TRRAP: variants seen among roughly 807,000 people sequenced by gnomAD.
TRRAP encodes transformation/transcription domain-associated protein.
TRRAP carries 41 observed loss-of-function variants against 438.8 expected under a neutral mutation model. The observed-to-expected ratio is 0.09, with a 90% confidence interval of 0.07 to 0.12. The LOEUF is 0.12. Ranked by LOEUF, TRRAP falls within the 10% of genes least tolerant of loss-of-function variation. The pLI is 1.00. For synonymous variants in TRRAP, 1,994 were observed against 1,962.9 expected, an observed-to-expected ratio of 1.02 and a Z score of -0.42; for missense variants, 3,122 against 5,055.1, an observed-to-expected ratio of 0.62 and a Z score of 11.60.
At chr7:98,936,246 A>G (rs1790550757) in intron 28 of TRRAP, among the ~76,000 whole-genome samples, 1 of 152,192 alleles carries the variant, frequency 6.6e-6, no homozygotes, top group African/African-American at 2.4e-5. Context: ...TATGCTCTTA[A>G]TAACATATTT....
In TRRAP at chr7:98,927,235, G is replaced by A. The variant is rs782188112; in HGVS notation, c.3044G>A (p.Arg1015Gln). ...TACAAAGCCCAGGACACTCCAGCCC[G>A]GAAGACTTTTGAGCAGGCCCTGACA... The part of the protein sequence containing the change: ...HRYKAQDTPA[R>Q]KTFEQALTGA... The change falls in exon 23 of 73, where the codon CGG becomes CAG. Residue 1015 changes from arginine (R) to glutamine (Q), a missense_variant. Around this residue, in one of 24 missense-constraint regions of TRRAP, gnomAD observed 133 missense variants for 188.6 expected, o/e 0.71. Coordinates refer to ENST00000456197, the MANE Select transcript of TRRAP (RefSeq NM_001375524.1). 4.3e-6 allele frequency: 7 copies of A among 1,614,218 alleles called. No homozygotes were observed. The highest frequency in any genetic ancestry group is 3.3e-5 in the Admixed American group (2 of 60,018).
rs2116485496 is a variant in TRRAP at position 98,925,213 on chromosome 7, G to C, written c.2925G>C (p.Met975Ile). Reference protein sequence around the residue: ...EVIKCFLVAMMSLEDNKHALY... With the variant: ...EVIKCFLVAMISLEDNKHALY... ...TCAAATGCTTCCTGGTGGCCATGAT[G>C]AGCCTGGAGGACAACAAGCACGCAC... Residue 975 changes from methionine to isoleucine, a missense_variant, in exon 22 of 73, where the codon ATG becomes ATC. This residue lies in a region of TRRAP where 133 missense variants were observed against 188.6 expected (regional missense o/e 0.71). Coordinates refer to ENST00000456197, the MANE Select transcript of TRRAP (RefSeq NM_001375524.1). 2 of 1,614,162 alleles carry C rather than the reference G, an allele frequency of 1.2e-6. No homozygotes were observed. The highest frequency in any genetic ancestry group is 8.5e-7 in the Non-Finnish European group (1 of 1,180,036).
In TRRAP at chr7:99,005,339, T is replaced by C; in HGVS notation, c.10744T>C (p.Phe3582Leu). ...AAAGGAGACCACCAAGAGGCACTTG[T>C]TTTTCACAGGTAGGGTTGAGAGCCA... Reference protein sequence around the residue: ...KRKETTKRHLFFTVPRVVAVS... With the variant: ...KRKETTKRHLLFTVPRVVAVS... Residue 3582 changes from phenylalanine (F) to leucine (L), a missense_variant, in exon 69 of 73, where the codon TTT becomes CTT. Physicochemically the swap from Phe to Leu is conservative, Grantham distance 22. Coordinates refer to ENST00000456197, the MANE Select transcript of TRRAP (RefSeq NM_001375524.1). The surrounding 1 kb of genome is among the most constrained non-coding windows in gnomAD (Gnocchi z 5.1). The C allele has an allele frequency of 6.2e-7, 1 of 1,613,680 alleles. No individual in the cohort carries two copies. Among genetic ancestry groups the C allele is most frequent in the East Asian group, 2.2e-5 (1 of 44,850 alleles).
chr7:98,918,062 A>G (rs1465302248), intron 20 of TRRAP, among the ~76,000 whole-genome samples: 2 of 151,524 alleles, frequency 1.3e-5, no homozygotes, highest in African/African-American at 4.9e-5. Context: ...TTGAGGCTGC[A>G]GCGAGGCATG....
chr7:98,989,664 C>T (rs570990926), intron 63 of TRRAP, among the ~76,000 whole-genome samples: 2 of 152,242 alleles, frequency 1.3e-5, no homozygotes, highest in Non-Finnish European at 1.5e-5. Flanking sequence ...GACAGCTACA[C>T]GCACTGCTTC....
At chr7:98,984,016 T>C in intron 60 of TRRAP, 77 bp from the exon 61 acceptor site, 1 of 1,478,764 alleles carries the variant, frequency 6.8e-7, no homozygotes. Flanking sequence ...TGTGTTTCAT[T>C]TTTTATTTAA....
intron 3 of TRRAP, among the ~76,000 whole-genome samples, chr7:98,889,514 G>A (rs1220507734): frequency 6.7e-6 from 1 of 150,034 alleles, no homozygotes; most frequent in Non-Finnish European, 1.5e-5. Flanking sequence ...GTATCTTCAT[G>A]CTGTAGTTTT....
chr7:98,898,638 C>T (rs1467020827), intron 8 of TRRAP, among the ~76,000 whole-genome samples: 1 of 152,086 alleles, frequency 6.6e-6, no homozygotes, highest in African/African-American at 2.4e-5. Flanking sequence ...ATCCATTGCC[C>T]ATCTGTATTT....
intron 15 of TRRAP, 23 bp downstream of exon 15, chr7:98,910,442 T>C (rs528567374): frequency 6.2e-7 from 1 of 1,612,174 alleles, no homozygotes; most frequent in Admixed American, 1.7e-5. Context: ...TTCAGTTATG[T>C]AGACAAACAA....
In TRRAP at chr7:98,910,334, C is replaced by T. The variant is rs1554408522; in HGVS notation, c.1629C>T (p.Val543=). ...AGGAAGACAAGCAGACATTCCAAGT[C>T]ACAGACTGTCGAAGTTTGGTCAAAA... The part of the protein sequence containing the change: ...KDKEDKQTFQ[V]TDCRSLVKTL... The change falls in exon 15 of 73, where the codon GTC becomes GTT. Residue 543 remains valine, a synonymous_variant. Coordinates refer to ENST00000456197, the MANE Select transcript of TRRAP (RefSeq NM_001375524.1). The T allele has an allele frequency of 6.2e-7, 1 of 1,610,556 alleles. No homozygotes were observed. Among genetic ancestry groups the T allele is most frequent in the Admixed American group, 1.7e-5 (1 of 59,892 alleles).
chr7:99,007,197 C>T (rs1053399411), intron 69 of TRRAP, among the ~76,000 whole-genome samples: 3 of 152,234 alleles, frequency 2.0e-5, no homozygotes, highest in African/African-American at 4.8e-5. Flanking sequence ...TGATTTTCCT[C>T]CTCCAAAGAT....
chr7:98,967,889 T>G (rs1792227660), intron 51 of TRRAP, among the ~76,000 whole-genome samples, 191 bp downstream of exon 51: 1 of 152,256 alleles, frequency 6.6e-6, no homozygotes, highest in South Asian at 2.1e-4. Flanking sequence ...TGGGCTGATT[T>G]AAAATCCTGT....
chr7:99,001,732 G>A (rs1438148362), intron 67 of TRRAP, among the ~76,000 whole-genome samples: 1 of 152,174 alleles, frequency 6.6e-6, no homozygotes, highest in African/African-American at 2.4e-5. Context: ...CTCTAGCAGA[G>A]CTGCATGTGT....
Position 98,959,426 on chromosome 7 carries a change from G to C in TRRAP, c.6425G>C (p.Arg2142Pro), listed in dbSNP as rs149626121. 1 of 1,613,798 alleles carries C rather than the reference G, an allele frequency of 6.2e-7. No homozygotes were observed. The highest frequency in any genetic ancestry group is 8.5e-7 in the Non-Finnish European group (1 of 1,180,008). Residue 2142 changes from arginine (R) to proline (P), a missense_variant, in exon 45 of 73, where the codon CGG becomes CCG. This residue lies in a region of TRRAP where 992 missense variants were observed against 1,281.2 expected (regional missense o/e 0.77). Transcript: ENST00000456197. ...RCVNLLKTAL[R>P]PDMWPKSELK... The stretch of plus-strand genomic sequence containing the variant: ...GTGAACCTTCTGAAGACTGCGTTGC[G>C]GCCAGACATGTGGCCCAAGTCCGAA...
intron 62 of TRRAP, among the ~76,000 whole-genome samples, chr7:98,986,044 T>G (rs1316958263): frequency 6.6e-6 from 1 of 152,240 alleles, no homozygotes; most frequent in Non-Finnish European, 1.5e-5. Flanking sequence ...GCATACACTG[T>G]GTGGCCTTTT....
Position 98,993,517 on chromosome 7 carries a change from CGTT to C in TRRAP, c.9848-18_9848-16del. 6.2e-7 allele frequency: 1 copy of C among 1,605,326 alleles called. No individual in the cohort carries two copies. The highest frequency in any genetic ancestry group is 1.7e-5 in the Admixed American group (1 of 60,008). On this transcript the variant is annotated intron_variant, in intron 65 of 72. Coordinates refer to ENST00000456197, the MANE Select transcript of TRRAP (RefSeq NM_001375524.1). Reference sequence around the variant, plus strand: ...TCTGTCGGTTTTGCGCTGACACTGGCGTTGTGTGTGTTGCTCTCAGATTCTGGA... The same window carrying C: ...TCTGTCGGTTTTGCGCTGACACTGGCGTGTGTGTTGCTCTCAGATTCTGGA...
In TRRAP at chr7:98,985,048, T is replaced by C. The variant is rs201308480; in HGVS notation, c.9389+4T>C. 8 of 1,588,740 alleles carry C rather than the reference T, an allele frequency of 5.0e-6. No individual in the cohort carries two copies. In the African/African-American group the frequency reaches 9.4e-5, roughly 19 times the overall value. On this transcript the variant is annotated splice_donor_region_variant and intron_variant, in intron 62 of 72. Coordinates refer to ENST00000456197, the MANE Select transcript of TRRAP (RefSeq NM_001375524.1). ...TGTTCTTGGCTCAGATCAACAAGTA[T>C]GTATGTTATATTGAAAGGATAAGAG...
rs1006684236 is a variant in TRRAP at position 98,937,183 on chromosome 7, C to T, written c.4139C>T (p.Pro1380Leu). Residue 1380 changes from proline (P) to leucine (L), a missense_variant, in exon 29 of 73, where the codon CCT becomes CTT. By Grantham distance (98) the Pro-to-Leu change is moderately conservative. Around this residue, in one of 24 missense-constraint regions of TRRAP, gnomAD observed 84 missense variants for 119.8 expected, o/e 0.70. Coordinates refer to ENST00000456197, the MANE Select transcript of TRRAP (RefSeq NM_001375524.1). ...GCACTTGCTGCCTGCAATTACCTTC[C>T]TCAGTCCAGGGAGAAAATCATCGCT... is the stretch of plus-strand genomic sequence containing the variant. ...LNALAACNYL[P>L]QSREKIIAAL... 3 of 1,612,532 alleles carry T rather than the reference C, an allele frequency of 1.9e-6. No individual in the cohort carries two copies. The highest frequency in any genetic ancestry group is 1.7e-4 in the Middle Eastern group (1 of 6,058).
intron 39 of TRRAP, 22 bp downstream of exon 39, chr7:98,951,026 G>C (rs369600740): frequency 1.3e-6 from 2 of 1,563,614 alleles, no homozygotes; most frequent in Admixed American, 3.8e-5. Context: ...ATGTGTGTGG[G>C]TGTGAGAAGT....
Sources: allele counts gnomAD v4.1 joint callset (sites outside exome capture counted in the v4.1 genomes callset), GRCh38; gene constraint gnomAD v4.1.1; regional missense constraint gnomAD v4.1.1; non-coding constraint Gnocchi (gnomAD v3.1); transcripts MANE v1.5; gene names NCBI Gene and HGNC (gene_info 2026-07-23, HGNC 2026-07-21).